Variants in GRM4 observed in about 807,000 individuals in gnomAD.
GRM4 encodes glutamate metabotropic receptor 4.
Under a neutral mutation model 81.7 loss-of-function variants are expected in GRM4, and 28 were observed. That is an observed-to-expected ratio of 0.34 (90% confidence interval 0.25 to 0.47). The LOEUF (loss-of-function observed/expected upper bound fraction) is 0.47, where lower values mean the gene tolerates loss of function less well. Ranked by LOEUF, GRM4 falls within the 20% of genes least tolerant of loss-of-function variation. The pLI is 1.00. For synonymous variants in GRM4, 488 were observed against 528.8 expected (o/e 0.92, Z 1.06); for missense variants, 948 against 1,290.0 (o/e 0.73, Z 4.06).
intron 3 of GRM4, among the ~76,000 whole-genome samples, chr6:34,085,248 G>C (rs1581674564): frequency 1.3e-5 from 2 of 152,174 alleles, no homozygotes; most frequent in East Asian, 3.8e-4. Flanking sequence ...GCTGGTGGAG[G>C]ACTGAGCCTC....
In GRM4 at chr6:34,130,693, T is replaced by C. The variant is rs756529095; in HGVS notation, c.519+2285A>G. On this transcript the variant is annotated intron_variant, in intron 2 of 10. Transcript: ENST00000538487. This position sits in a 1 kb window ranked among gnomAD's most constrained non-coding sequence, Gnocchi z 4.1. ...GACCATTCCTTGAGCCTTCGCCATG[T>C]ACCAAGTGATGGGGCACTCTCAGCT... Among the ~76,000 whole-genome samples, 3 of 152,212 alleles carry C rather than the reference T, an allele frequency of 2.0e-5. No homozygotes were observed. The highest frequency in any genetic ancestry group is 4.4e-5 in the Non-Finnish European group (3 of 68,036).
chr6:34,102,568 C>T (rs1768899527), intron 2 of GRM4, among the ~76,000 whole-genome samples: 1 of 152,164 alleles, frequency 6.6e-6, no homozygotes, highest in Admixed American at 6.5e-5. Flanking sequence ...TGACCAATCC[C>T]ACCTCCCTCC....
At position 34,056,666 on chromosome 6, in the gene GRM4, G is replaced by C. The variant is rs767189525; in HGVS notation, c.1046C>G (p.Ser349Cys). 1.9e-5 allele frequency: 30 copies of C among 1,613,440 alleles called. No homozygotes were observed. Among genetic ancestry groups the C allele is most frequent in the Non-Finnish European group, 2.4e-5 (28 of 1,179,872 alleles). Reference protein sequence around the residue: ...MSVRGFDRYFSSRTLDNNRRN... With the variant: ...MSVRGFDRYFCSRTLDNNRRN... ...CCGGTTGTTGTCCAGCGTGCGGCTGGAGAAGTAGCGGTCGAAGCCTGGCAG... is the reference window on the plus strand; with the variant it reads ...CCGGTTGTTGTCCAGCGTGCGGCTGCAGAAGTAGCGGTCGAAGCCTGGCAG... Residue 349 changes from serine (S) to cysteine (C), a missense_variant, in exon 6 of 11, where the codon TCC (serine) becomes TGC (cysteine). By Grantham distance (112) the Ser-to-Cys change is moderately radical (BLOSUM62 -1). Coordinates refer to ENST00000538487, the MANE Select transcript of GRM4 (RefSeq NM_000841.4).
chr6:34,029,223 A>C (rs995457145), intron 9 of GRM4, among the ~76,000 whole-genome samples: 5 of 152,178 alleles, frequency 3.3e-5, no homozygotes, highest in Non-Finnish European at 7.3e-5. Flanking sequence ...GGGTCTGGGC[A>C]TGAAGGAAGC....
At chr6:34,084,559 G>A (rs1268855057) in intron 3 of GRM4, among the ~76,000 whole-genome samples, 1 of 152,168 alleles carries the variant, frequency 6.6e-6, no homozygotes, top group Non-Finnish European at 1.5e-5. Flanking sequence ...ACCCCTCAGG[G>A]CCCTGAGCAA....
At chr6:34,040,511 T>C (rs1764955370) in intron 7 of GRM4, 37 bp downstream of exon 7, 2 of 1,575,854 alleles carry the variant, frequency 1.3e-6, no homozygotes, top group Middle Eastern at 1.7e-4. Flanking sequence ...TGGCCCAGGA[T>C]ACCCAGGGTC....
intron 2 of GRM4, among the ~76,000 whole-genome samples, chr6:34,095,500 G>A (rs1281821004): frequency 6.6e-6 from 1 of 152,186 alleles, no homozygotes; most frequent in African/African-American, 2.4e-5. Context: ...CTGCACAATG[G>A]GAATAATTAC....
rs1315323073 is a variant in GRM4, at chr6:34,064,342, A to G, written c.737-2314T>C. Among the ~76,000 whole-genome samples the G allele has an allele frequency of 6.6e-5, 10 of 152,216 alleles. No homozygotes were observed. Among genetic ancestry groups the G allele is most frequent in the Non-Finnish European group, 7.3e-5 (5 of 68,034 alleles). ...GTAATCACCATATCTCCAATTTATA[A>G]ATGAAGAAATTGAGGCACAGAGAGG... is the stretch of plus-strand genomic sequence containing the variant. On this transcript the variant is annotated intron_variant, in intron 3 of 10. Transcript: ENST00000538487. This position sits in a 1 kb window ranked among gnomAD's most constrained non-coding sequence, Gnocchi z 4.4.
At chr6:34,124,119 G>A (rs76976684) in intron 2 of GRM4, among the ~76,000 whole-genome samples, 12 of 152,294 alleles carry the variant, frequency 7.9e-5, no homozygotes, top group East Asian at 5.8e-4. Flanking sequence ...GTCCTCCCAC[G>A]ACACCCTCTG....
At chr6:34,127,420 T>G (rs1278318682) in intron 2 of GRM4, among the ~76,000 whole-genome samples, 1 of 152,216 alleles carries the variant, frequency 6.6e-6, no homozygotes, top group Non-Finnish European at 1.5e-5. Context: ...GTATGACTGG[T>G]GTGGGCAGTG....
rs147299901 is a variant in GRM4 at position 34,111,889 on chromosome 6, C to T, written c.520-19790G>A. Among the ~76,000 whole-genome samples, 302 of 152,286 alleles carry T rather than the reference C, an allele frequency of 2.0e-3. No individual in the cohort carries two copies. Among genetic ancestry groups the T allele is most frequent in the Middle Eastern group, 0.014 (4 of 294 alleles). On this transcript the variant is annotated intron_variant, in intron 2 of 10. Coordinates refer to ENST00000538487, the MANE Select transcript of GRM4 (RefSeq NM_000841.4). This position sits in a 1 kb window ranked among gnomAD's most constrained non-coding sequence, Gnocchi z 5.1. ...TGGGGGAGTGTGGCCAGACCAGACG[C>T]ACCCCCACCTGTTCCATTTCCTGAT...
intron 1 of GRM4, among the ~76,000 whole-genome samples, chr6:34,139,713 C>T (rs1282017023): frequency 1.3e-5 from 2 of 152,240 alleles, no homozygotes; most frequent in East Asian, 1.9e-4. Flanking sequence ...GCAAAGCCAG[C>T]GCCCTGCCCA....
rs868148884 is a variant in GRM4, at chr6:34,021,974, G to C, written c.*847C>G. On this transcript the variant is annotated 3_prime_UTR_variant, in exon 11 of 11. Transcript: ENST00000538487. This position sits in a 1 kb window ranked among gnomAD's most constrained non-coding sequence, Gnocchi z 5.3. ...ACTGAACTCCGTGTGGTCGGCAGGA[G>C]GGGCAGGCGGGCAGGCGGGCAAGAC... 1.8e-4 allele frequency: 28 copies of C among 155,176 alleles called. No homozygotes were observed. The highest frequency in any genetic ancestry group is 3.1e-3 in the Middle Eastern group (1 of 324). The allele number at this position is 155,176 out of a possible 1,614,324, so 9.6% of individuals were successfully genotyped here.
intron 7 of GRM4, 71 bp downstream of exon 7, chr6:34,040,477 C>T: frequency 6.8e-7 from 1 of 1,475,896 alleles, no homozygotes; most frequent in South Asian, 1.2e-5. Flanking sequence ...CCCCACAGAG[C>T]CTAAGGGCCC....
rs1456109367 is a variant in GRM4 at position 34,078,215 on chromosome 6, C to T, written c.736+13668G>A. Among the ~76,000 whole-genome samples, 1 of 152,176 alleles carries T rather than the reference C, an allele frequency of 6.6e-6. No homozygotes were observed. ...GGAAGGCTCCCGGACCCATCTCCAG[C>T]TCCTGTTCCTCTGCGCTTCCTGTCT... On this transcript the variant is annotated intron_variant, in intron 3 of 10. Transcript: ENST00000538487. This position sits in a 1 kb window ranked among gnomAD's most constrained non-coding sequence, Gnocchi z 4.8.
intron 6 of GRM4, chr6:34,056,296 C>T: frequency 1.9e-6 from 1 of 530,606 alleles, no homozygotes; most frequent in East Asian, 3.2e-5. Context: ...TCCACATCAA[C>T]CCCGAGGCGG....
At chr6:34,086,648 T>TGCACCACA (rs1767904033) in intron 3 of GRM4, among the ~76,000 whole-genome samples, 1 of 152,210 alleles carries the variant, frequency 6.6e-6, no homozygotes, top group Admixed American at 6.5e-5. Flanking sequence ...TCCTGCCCCA[T>TGCACCACA]GCACCACAGA....
chr6:34,034,456 C>T lies in GRM4; in HGVS notation c.2442+1212G>A, dbSNP rs1313605102. ...GAGCATGACAGTGACCTTCTCACAG[C>T]TGCTCTTGGCAGCCAGAGGGTCCTT... On this transcript the variant is annotated intron_variant, in intron 9 of 10. Coordinates refer to ENST00000538487, the MANE Select transcript of GRM4 (RefSeq NM_000841.4). The surrounding 1 kb of genome is among the most constrained non-coding windows in gnomAD (Gnocchi z 4.0). Among the ~76,000 whole-genome samples the T allele has an allele frequency of 6.6e-6, 1 of 152,228 alleles. No homozygotes were observed. Among genetic ancestry groups the T allele is most frequent in the Non-Finnish European group, 1.5e-5 (1 of 68,044 alleles).
intron 2 of GRM4, among the ~76,000 whole-genome samples, chr6:34,122,293 C>T (rs1284312440): frequency 6.6e-6 from 1 of 152,040 alleles, no homozygotes; most frequent in Admixed American, 6.5e-5. Flanking sequence ...GAGAGGGGAA[C>T]AGAAAGCCAC....
Sources: allele counts gnomAD v4.1 joint callset (sites outside exome capture counted in the v4.1 genomes callset), GRCh38; gene constraint gnomAD v4.1.1; non-coding constraint Gnocchi (gnomAD v3.1); transcripts MANE v1.5; gene names NCBI Gene and HGNC (gene_info 2026-07-23, HGNC 2026-07-21).